The following FBXL7 variants were observed in gnomAD, a reference collection of about 807,000 sequenced individuals.
The protein encoded by FBXL7 is F-box and leucine rich repeat protein 7.
In FBXL7, 12 loss-of-function variants were observed where a neutral mutation model predicts 38.3. The ratio of observed to expected loss-of-function variants is 0.31; its 90% CI spans 0.20 to 0.51. The LOEUF (loss-of-function observed/expected upper bound fraction) is 0.51, where lower values mean the gene tolerates loss of function less well. Among genes scored for constraint, FBXL7 ranks in the 20% least tolerant of loss-of-function variants. The pLI is 0.98. For missense variants in FBXL7, 567 were observed against 676.4 expected (o/e 0.84, Z 1.79); for synonymous variants, 297 against 300.9 (o/e 0.99, Z 0.13).
At chr5:15,868,411 A>G (rs1739811284) in intron 2 of FBXL7, among the ~76,000 whole-genome samples, 1 of 152,232 alleles carries the variant, frequency 6.6e-6, no homozygotes, top group Non-Finnish European at 1.5e-5. Context: ...TAAGCCACTA[A>G]GTCCATGATA....
intron 2 of FBXL7, among the ~76,000 whole-genome samples, chr5:15,808,853 T>C (rs1195376710): frequency 6.6e-6 from 1 of 152,170 alleles, no homozygotes; most frequent in African/African-American, 2.4e-5. Flanking sequence ...TTTTTGTACA[T>C]AGCTGTCCTT....
chr5:15,859,582 G>A (rs958332021), intron 2 of FBXL7, among the ~76,000 whole-genome samples: 8 of 152,124 alleles, frequency 5.3e-5, no homozygotes, highest in East Asian at 1.9e-4. Flanking sequence ...GTCATGTCTC[G>A]CATGGCGGCA....
intron 2 of FBXL7, among the ~76,000 whole-genome samples, chr5:15,813,324 G>C (rs571681863): frequency 5.1e-4 from 78 of 152,266 alleles, no homozygotes; most frequent in Non-Finnish European, 8.4e-4. Flanking sequence ...AAGAAATGGG[G>C]AAAGGATTCC....
At chr5:15,783,665 C>T (rs1737058853) in intron 2 of FBXL7, among the ~76,000 whole-genome samples, 1 of 152,068 alleles carries the variant, frequency 6.6e-6, no homozygotes, top group Admixed American at 6.6e-5. Context: ...ATACATTGCT[C>T]CTGGAGAGGG....
intron 2 of FBXL7, among the ~76,000 whole-genome samples, chr5:15,849,971 T>C (rs1039358285): frequency 3.3e-5 from 5 of 152,286 alleles, no homozygotes; most frequent in South Asian, 2.1e-4. Context: ...AATCAACTTA[T>C]CTGACCTGAG....
chr5:15,627,646 C>G (rs1365438608), intron 2 of FBXL7, among the ~76,000 whole-genome samples: 2 of 152,148 alleles, frequency 1.3e-5, no homozygotes, highest in Admixed American at 6.5e-5. Context: ...CATCCACGAA[C>G]TTTCTTTAGT....
At chr5:15,820,090 T>A (rs912500681) in intron 2 of FBXL7, among the ~76,000 whole-genome samples, 1 of 152,192 alleles carries the variant, frequency 6.6e-6, no homozygotes, top group Non-Finnish European at 1.5e-5. Flanking sequence ...CATGGAGTCC[T>A]TGTTTGTTTG....
At chr5:15,770,275 A>C (rs1411301583) in intron 2 of FBXL7, among the ~76,000 whole-genome samples, 1 of 152,166 alleles carries the variant, frequency 6.6e-6, no homozygotes, top group Non-Finnish European at 1.5e-5. Flanking sequence ...GTGATGGATC[A>C]TCCTGGTCTC....
chr5:15,777,720 T>TAAAAAAAAAAAAAAAAAAAA lies in FBXL7; in HGVS notation c.128-150163_128-150144dup, dbSNP rs371293320. ...TATTGTTTGCAAACCCCTATTCTGG[T>TAAAAAAAAAAAAAAAAAAAA]AAAAAAAAAAAAAAAAAAAAAAAAA... On this transcript the variant is annotated intron_variant, in intron 2 of 3. Transcript: ENST00000504595. Among the ~76,000 whole-genome samples the TAAAAAAAAAAAAAAAAAAAA allele has an allele frequency of 4.6e-4, 38 of 82,512 alleles. 1 individual carries two copies. The highest frequency in any genetic ancestry group is 1.4e-3 in the African/African-American group (24 of 17,724). 54.1% of individuals were successfully genotyped at this position (82,512 alleles called of 152,430 possible). A position where few individuals can be genotyped will look rare whatever the true frequency, so the allele number is the denominator to read the frequency against.
At chr5:15,740,226 A>T (rs1735859140) in intron 2 of FBXL7, among the ~76,000 whole-genome samples, 1 of 152,166 alleles carries the variant, frequency 6.6e-6, no homozygotes, top group Non-Finnish European at 1.5e-5. Context: ...GTATGTGAAG[A>T]TCATTCTCTT....
At chr5:15,921,152 C>T (rs1203004216) in intron 2 of FBXL7, among the ~76,000 whole-genome samples, 3 of 152,094 alleles carry the variant, frequency 2.0e-5, no homozygotes, top group Non-Finnish European at 4.4e-5. Context: ...GAGGCCGAGG[C>T]AGGCAGATCA....
chr5:15,933,240 G>A (rs964391436), intron 3 of FBXL7, among the ~76,000 whole-genome samples: 1 of 152,064 alleles, frequency 6.6e-6, no homozygotes, highest in Non-Finnish European at 1.5e-5. Flanking sequence ...CTATAAAATA[G>A]TCTCTTTACC....
chr5:15,892,594 A>C (rs1266262643), intron 2 of FBXL7, among the ~76,000 whole-genome samples: 1 of 152,178 alleles, frequency 6.6e-6, no homozygotes, highest in Non-Finnish European at 1.5e-5. Context: ...TACTTATTAC[A>C]TCTGAAAACG....
chr5:15,766,861 T>A (rs1736604264), intron 2 of FBXL7, among the ~76,000 whole-genome samples: 1 of 152,226 alleles, frequency 6.6e-6, no homozygotes, highest in Admixed American at 6.5e-5. Flanking sequence ...AACCCACCAC[T>A]ACATTCTACC....
chr5:15,652,607 C>T (rs1561070724), intron 2 of FBXL7, among the ~76,000 whole-genome samples: 1 of 152,138 alleles, frequency 6.6e-6, no homozygotes, highest in East Asian at 1.9e-4. Flanking sequence ...TAACAGGAGG[C>T]CTAGCTTTTG....
At chr5:15,649,504 C>T (rs1017866742) in intron 2 of FBXL7, among the ~76,000 whole-genome samples, 3 of 152,038 alleles carry the variant, frequency 2.0e-5, no homozygotes, top group East Asian at 3.9e-4. Flanking sequence ...CTGTGAGGTC[C>T]GCAGAGAAGG....
chr5:15,719,649 T>TTA (rs1236243977), intron 2 of FBXL7, among the ~76,000 whole-genome samples: 1 of 148,888 alleles, frequency 6.7e-6, no homozygotes, highest in Non-Finnish European at 1.5e-5. Flanking sequence ...GGCAATTTTA[T>TTA]TACTTTTCTC....
chr5:15,882,416 T>C (rs1221505505), intron 2 of FBXL7, among the ~76,000 whole-genome samples: 1 of 152,136 alleles, frequency 6.6e-6, no homozygotes, highest in Non-Finnish European at 1.5e-5. Flanking sequence ...GGCTTTCTTG[T>C]GGGACCTAGT....
chr5:15,501,090 G>A (rs1232380791), intron 1 of FBXL7, among the ~76,000 whole-genome samples: 2 of 152,106 alleles, frequency 1.3e-5, no homozygotes, highest in African/African-American at 2.4e-5. Context: ...AACTTTCCCG[G>A]GCCTTTGTGC....
Sources: allele counts gnomAD v4.1 joint callset (sites outside exome capture counted in the v4.1 genomes callset), GRCh38; gene constraint gnomAD v4.1.1; transcripts MANE v1.5; gene names NCBI Gene and HGNC (gene_info 2026-07-23, HGNC 2026-07-21).